The following PTPRD variants were observed in gnomAD, a reference collection of about 807,000 sequenced individuals.
The protein encoded by PTPRD is protein tyrosine phosphatase receptor type D.
A neutral mutation model predicts 214.5 loss-of-function variants in PTPRD; 34 were observed. The observed-to-expected ratio is 0.16, with a 90% CI of 0.12 to 0.21. The LOEUF (loss-of-function observed/expected upper bound fraction) is 0.21, where lower values mean the gene tolerates loss of function less well. PTPRD is among the 10% of genes least tolerant of loss of function. The probability of loss-of-function intolerance (pLI) is 1.00; values close to 1 mark genes in which losing one functional copy is unlikely to be tolerated. For missense variants in PTPRD, 2,545 were observed against 2,398.7 expected, an observed-to-expected ratio of 1.06 and a Z score of -1.27; for synonymous variants, 1,128 against 845.7, an observed-to-expected ratio of 1.33 and a Z score of -5.79.
intron 3 of PTPRD, among the ~76,000 whole-genome samples, chr9:10,111,920 G>C (rs1003811378): frequency 2.0e-5 from 3 of 152,174 alleles, no homozygotes; most frequent in Admixed American, 6.5e-5. Flanking sequence ...TAGCTGCAGT[G>C]TATTTTTCTT....
chr9:9,387,706 T>C (rs36048836), intron 9 of PTPRD, among the ~76,000 whole-genome samples: 31,128 of 152,094 alleles, frequency 0.2, 3,225 homozygotes, highest in Middle Eastern at 0.34. Flanking sequence ...AAGGGTTCCT[T>C]TGTCCCCCTC....
chr9:9,023,001 G>T (rs1227259200), intron 10 of PTPRD, among the ~76,000 whole-genome samples: 1 of 152,032 alleles, frequency 6.6e-6, no homozygotes, highest in African/African-American at 2.4e-5. Context: ...TGGTTTTGTT[G>T]GTTTCCCTTG....
At chr9:9,695,300 G>A (rs1263796192) in intron 7 of PTPRD, among the ~76,000 whole-genome samples, 1 of 152,126 alleles carries the variant, frequency 6.6e-6, no homozygotes, top group East Asian at 1.9e-4. Context: ...ATCCTACTGT[G>A]ACTGAGCTGG....
At chr9:8,690,687 G>C (rs1159849013) in intron 12 of PTPRD, among the ~76,000 whole-genome samples, 2 of 151,950 alleles carry the variant, frequency 1.3e-5, no homozygotes, top group Non-Finnish European at 2.9e-5. Flanking sequence ...CTGACAGAGG[G>C]GGGAGAATGA....
intron 3 of PTPRD, among the ~76,000 whole-genome samples, chr9:10,205,367 CTTTATTTTATTTTATTTTATTTTAT>C: frequency 6.8e-6 from 1 of 148,062 alleles, no homozygotes; most frequent in East Asian, 2.0e-4. Context: ...TCTTCTTCTT[CTTTATTTTATTTTATTTTATTTTAT>C]TTTATTTTAT....
At chr9:9,475,824 A>G (rs1297392006) in intron 8 of PTPRD, among the ~76,000 whole-genome samples, 1 of 152,198 alleles carries the variant, frequency 6.6e-6, no homozygotes, top group Non-Finnish European at 1.5e-5. Context: ...TTCAGCACAT[A>G]TTCCAGGTTC....
intron 10 of PTPRD, among the ~76,000 whole-genome samples, chr9:9,123,208 G>A (rs1007202163): frequency 6.6e-6 from 1 of 152,092 alleles, no homozygotes; most frequent in Non-Finnish European, 1.5e-5. Flanking sequence ...ATGCAGTCAT[G>A]GCCTCATGCC....
chr9:8,497,612 C>T (rs991087812), intron 25 of PTPRD, among the ~76,000 whole-genome samples: 1 of 152,126 alleles, frequency 6.6e-6, no homozygotes, highest in Non-Finnish European at 1.5e-5. Context: ...TTAAAAGTCA[C>T]TATTTAGATT....
At chr9:9,679,742 CA>C (rs1419208713) in intron 7 of PTPRD, among the ~76,000 whole-genome samples, 3 of 151,838 alleles carry the variant, frequency 2.0e-5, no homozygotes, top group Non-Finnish European at 4.4e-5. Flanking sequence ...GGAAAATAAC[CA>C]AAATCATGAA....
intron 31 of PTPRD, among the ~76,000 whole-genome samples, chr9:8,467,681 T>C (rs1248579899): frequency 6.6e-6 from 1 of 151,248 alleles, no homozygotes; most frequent in African/African-American, 2.4e-5. Context: ...CTCTAAATTG[T>C]TCTAACTCTG....
At chr9:10,147,032 G>C (rs544575989) in intron 3 of PTPRD, among the ~76,000 whole-genome samples, 1 of 152,110 alleles carries the variant, frequency 6.6e-6, no homozygotes, top group South Asian at 2.1e-4. Flanking sequence ...ATTCTACCCC[G>C]TGCCAAAATG....
chr9:9,177,998 T>C (rs1416474822), intron 10 of PTPRD, among the ~76,000 whole-genome samples: 1 of 152,072 alleles, frequency 6.6e-6, no homozygotes, highest in Non-Finnish European at 1.5e-5. Flanking sequence ...GATGATGAAA[T>C]ATCTGGAACC....
intron 21 of PTPRD, among the ~76,000 whole-genome samples, chr9:8,511,125 A>G (rs2137834941): frequency 6.6e-6 from 1 of 152,194 alleles, no homozygotes; most frequent in African/African-American, 2.4e-5. Context: ...CTGGAGTGCA[A>G]TGGCACAATC....
At chr9:9,445,511 T>G (rs781014631) in intron 8 of PTPRD, among the ~76,000 whole-genome samples, 2 of 152,142 alleles carry the variant, frequency 1.3e-5, no homozygotes, top group African/African-American at 4.8e-5. Context: ...TGACTCATAG[T>G]TCTGCATGGC....
intron 3 of PTPRD, among the ~76,000 whole-genome samples, chr9:10,284,080 C>G (rs2154395954): frequency 6.6e-6 from 1 of 152,224 alleles, no homozygotes; most frequent in East Asian, 1.9e-4. Flanking sequence ...CTCTGACATT[C>G]TGTGATTATT....
At chr9:9,284,442 C>G (rs1012698092) in intron 9 of PTPRD, among the ~76,000 whole-genome samples, 2 of 151,618 alleles carry the variant, frequency 1.3e-5, no homozygotes, top group African/African-American at 4.8e-5. Flanking sequence ...AGTCAGATGT[C>G]TCCAGAACTG....
At chr9:8,832,836 G>T (rs1009723927) in intron 11 of PTPRD, among the ~76,000 whole-genome samples, 6 of 151,866 alleles carry the variant, frequency 4.0e-5, no homozygotes, top group Non-Finnish European at 8.8e-5. Flanking sequence ...CAGATTGCAT[G>T]AGGCTTCATT....
chr9:8,758,990 G>T (rs10977284), intron 11 of PTPRD, among the ~76,000 whole-genome samples: 1 of 151,132 alleles, frequency 6.6e-6, no homozygotes, highest in African/African-American at 2.4e-5. Flanking sequence ...TGGCCTAACA[G>T]GGTCATTTTT....
At chr9:9,475,337 A>G (rs1383839217) in intron 8 of PTPRD, among the ~76,000 whole-genome samples, 1 of 152,200 alleles carries the variant, frequency 6.6e-6, no homozygotes, top group Non-Finnish European at 1.5e-5. Context: ...GGATAACCAT[A>G]AACAACCTGT....
Sources: gnomAD v4.1 joint callset for allele counts (sites outside exome capture counted in the v4.1 genomes callset) on GRCh38, gnomAD v4.1.1 for gene constraint, MANE v1.5 for transcripts, NCBI Gene and HGNC (gene_info 2026-07-23, HGNC 2026-07-21) for gene names.